Variants in IGSF3 observed in about 807,000 individuals in gnomAD.
The protein encoded by IGSF3 is glu-Trp-Ile EWI motif-containing protein 3.
In IGSF3, 23 loss-of-function variants were observed where a neutral mutation model predicts 114.4. The ratio of observed to expected loss-of-function variants is 0.20; its 90% CI spans 0.14 to 0.28. The LOEUF is 0.28. Among genes scored for constraint, IGSF3 ranks in the 10% least tolerant of loss-of-function variants. The probability of loss-of-function intolerance (pLI) is 1.00; values close to 1 mark genes in which losing one functional copy is unlikely to be tolerated. For synonymous variants in IGSF3, 571 were observed against 645.2 expected (o/e 0.88, Z 1.74); for missense variants, 1,172 against 1,591.5 (o/e 0.74, Z 4.48).
intron 7 of IGSF3, among the ~76,000 whole-genome samples, chr1:116,591,663 C>G (rs1456635057): frequency 6.6e-6 from 1 of 152,178 alleles, no homozygotes; most frequent in Non-Finnish European, 1.5e-5. Flanking sequence ...AGCTCCTATT[C>G]TATGCTCTGG....
chr1:116,605,906 G>A lies in IGSF3; in HGVS notation c.1223-1881C>T, dbSNP rs1374122900. ...TTATCCAAGTCCTGGCTCATTTATT[G>A]AAAGGGCTACTGTTTGGTGGTGTCT... is the stretch of plus-strand genomic sequence containing the variant. On this transcript the variant is annotated intron_variant, in intron 5 of 10. Transcript: ENST00000369486. This position sits in a 1 kb window ranked among gnomAD's most constrained non-coding sequence, Gnocchi z 5.1. 6.6e-6 allele frequency among the ~76,000 whole-genome samples: 1 copy of A among 152,170 alleles called. No individual in the cohort carries two copies. Among genetic ancestry groups the A allele is most frequent in the Non-Finnish European group, 1.5e-5 (1 of 68,028 alleles).
At position 116,610,090 on chromosome 1, in the gene IGSF3, T is replaced by C. The variant is rs1660957282; in HGVS notation, c.833-1759A>G. 6.6e-6 allele frequency among the ~76,000 whole-genome samples: 1 copy of C among 152,208 alleles called. No homozygotes were observed. Among genetic ancestry groups the C allele is most frequent in the African/African-American group, 2.4e-5 (1 of 41,444 alleles). On this transcript the variant is annotated intron_variant, in intron 4 of 10. Coordinates refer to ENST00000369486, the MANE Select transcript of IGSF3 (RefSeq NM_001007237.3). This position sits in a 1 kb window ranked among gnomAD's most constrained non-coding sequence, Gnocchi z 4.3. ...AGAGACCAGTCTTAAGAGGCATGGATTGAAGGAAGCACATTTCACTCTGCC... is the reference window on the plus strand; with the variant it reads ...AGAGACCAGTCTTAAGAGGCATGGACTGAAGGAAGCACATTTCACTCTGCC...
chr1:116,652,495 A>G (rs1254915223), intron 2 of IGSF3, among the ~76,000 whole-genome samples: 1 of 151,860 alleles, frequency 6.6e-6, no homozygotes, highest in Non-Finnish European at 1.5e-5. Flanking sequence ...TATTAAGAGA[A>G]AGTATCAAAA....
chr1:116,654,136 C>T lies in IGSF3; in HGVS notation c.43+12148G>A, dbSNP rs1305385744. Among the ~76,000 whole-genome samples the T allele has an allele frequency of 6.6e-6, 1 of 152,240 alleles. No homozygotes were observed. The highest frequency in any genetic ancestry group is 2.4e-5 in the African/African-American group (1 of 41,468). ...TCTATGTGAAGCAGAATTCCCAACA[C>T]ACCACCATCTCCAAACCAACACCAA... On this transcript the variant is annotated intron_variant, in intron 2 of 10. Transcript: ENST00000369486. The surrounding 1 kb of genome is among the most constrained non-coding windows in gnomAD (Gnocchi z 4.4).
At chr1:116,626,665 A>G (rs1647300966) in intron 2 of IGSF3, among the ~76,000 whole-genome samples, 1 of 152,030 alleles carries the variant, frequency 6.6e-6, no homozygotes. Context: ...CATGCTTGGA[A>G]CCAGGAAAGC....
At position 116,608,051 on chromosome 1, in the gene IGSF3, G is replaced by A. The variant is rs370839007; in HGVS notation, c.1113C>T (p.Ser371=). 3.3e-4 allele frequency: 533 copies of A among 1,613,646 alleles called. No individual in the cohort carries two copies. Among genetic ancestry groups the A allele is most frequent in the Non-Finnish European group, 4.1e-4 (485 of 1,179,756 alleles). ...CAGTCACCCGGCAGTTGTATTTCCCGCTATCTTCCTGGCGGAGGTGGTAGA... is the reference window on the plus strand; with the variant it reads ...CAGTCACCCGGCAGTTGTATTTCCCACTATCTTCCTGGCGGAGGTGGTAGA... ...LKIYHLRQED[S]GKYNCRVTER... Residue 371 remains serine, a synonymous_variant, in exon 5 of 11, where the codon AGC becomes AGT. Coordinates refer to ENST00000369486, the MANE Select transcript of IGSF3 (RefSeq NM_001007237.3).
intron 2 of IGSF3, among the ~76,000 whole-genome samples, chr1:116,656,062 T>A (rs375196565): frequency 1.3e-5 from 2 of 152,148 alleles, no homozygotes; most frequent in African/African-American, 4.8e-5. Flanking sequence ...AGTTCTGATA[T>A]AGCCATAAAA....
rs902713176 is a variant in IGSF3, at chr1:116,648,584, T to C, written c.43+17700A>G. Among the ~76,000 whole-genome samples, 9 of 152,218 alleles carry C rather than the reference T, an allele frequency of 5.9e-5. No individual in the cohort carries two copies. Among genetic ancestry groups the C allele is most frequent in the South Asian group, 2.1e-4 (1 of 4,832 alleles). ...AACACCATGATTCAGCCAGGCAAGA[T>C]TGATGCAACACTGTAACAAAGCGTG... is the stretch of plus-strand genomic sequence containing the variant. On this transcript the variant is annotated intron_variant, in intron 2 of 10. Transcript: ENST00000369486. The surrounding 1 kb of genome is among the most constrained non-coding windows in gnomAD (Gnocchi z 4.7).
In IGSF3 at chr1:116,655,044, G is replaced by A. The variant is rs948565399; in HGVS notation, c.43+11240C>T. On this transcript the variant is annotated intron_variant, in intron 2 of 10. Transcript: ENST00000369486. The surrounding 1 kb of genome is among the most constrained non-coding windows in gnomAD (Gnocchi z 4.3). ...ATGGCAAGAAAAAAGATGTACCTTA[G>A]GAATAAAAAAGAGTTCCCCAATGTC... Among the ~76,000 whole-genome samples the A allele has an allele frequency of 6.6e-6, 1 of 151,956 alleles. No individual in the cohort carries two copies. Among genetic ancestry groups the A allele is most frequent in the African/African-American group, 2.4e-5 (1 of 41,360 alleles).
rs971959089 is a variant in IGSF3 at position 116,627,129 on chromosome 1, T to C, written c.44-10672A>G. Among the ~76,000 whole-genome samples, 1 of 151,932 alleles carries C rather than the reference T, an allele frequency of 6.6e-6. No individual in the cohort carries two copies. Among genetic ancestry groups the C allele is most frequent in the Non-Finnish European group, 1.5e-5 (1 of 68,006 alleles). ...TTGGAGATAACAGAAATAGGCTGAG[T>C]GTTGGGCATTTTTTTTTAAAGAGGG... On this transcript the variant is annotated intron_variant, in intron 2 of 10. Transcript: ENST00000369486. This position sits in a 1 kb window ranked among gnomAD's most constrained non-coding sequence, Gnocchi z 4.7.
rs183449860 is a variant in IGSF3, at chr1:116,640,559, T to A, written c.44-24102A>T. On this transcript the variant is annotated intron_variant, in intron 2 of 10. Coordinates refer to ENST00000369486, the MANE Select transcript of IGSF3 (RefSeq NM_001007237.3). ...ATCACACTGTATGCACCCTTTTGCA[T>A]CTTTTTTTATTGACAAAACATTTTT... 1.2e-4 allele frequency among the ~76,000 whole-genome samples: 18 copies of A among 152,370 alleles called. No individual in the cohort carries two copies. In the East Asian group the frequency reaches 3.5e-3, roughly 29 times the overall value.
In IGSF3 at chr1:116,589,645, C is replaced by T. The variant is rs944240478; in HGVS notation, c.2030-541G>A. Among the ~76,000 whole-genome samples, 1 of 152,118 alleles carries T rather than the reference C, an allele frequency of 6.6e-6. No homozygotes were observed. The highest frequency in any genetic ancestry group is 2.1e-4 in the South Asian group (1 of 4,830). On this transcript the variant is annotated intron_variant, in intron 7 of 10. Transcript: ENST00000369486. This position sits in a 1 kb window ranked among gnomAD's most constrained non-coding sequence, Gnocchi z 5.7. ...TCCTTCTGCCACCTCCCACCCTGAC[C>T]CTTCTCTCCACTTATCCCTCATTCC... is the stretch of plus-strand genomic sequence containing the variant.
rs2101379633 is a variant in IGSF3, at chr1:116,592,558, G to T, written c.2030-3454C>A. On this transcript the variant is annotated intron_variant, in intron 7 of 10. Transcript: ENST00000369486. The surrounding 1 kb of genome is among the most constrained non-coding windows in gnomAD (Gnocchi z 4.5). Reference sequence around the variant, plus strand: ...TGTTTGTTACAGGCCAGGATAGGGTGGTTTCAAGGTGAGACATCAGGAAGA... The same window carrying T: ...TGTTTGTTACAGGCCAGGATAGGGTTGTTTCAAGGTGAGACATCAGGAAGA... 6.6e-6 allele frequency among the ~76,000 whole-genome samples: 1 copy of T among 152,260 alleles called. No individual in the cohort carries two copies. The highest frequency in any genetic ancestry group is 1.5e-5 in the Non-Finnish European group (1 of 68,026).
intron 8 of IGSF3, among the ~76,000 whole-genome samples, chr1:116,586,134 G>C (rs1267431485): frequency 6.6e-6 from 1 of 152,164 alleles, no homozygotes; most frequent in East Asian, 1.9e-4. Flanking sequence ...GACATCAGAG[G>C]AGGGGAGGTT....
chr1:116,666,437 A>G lies in IGSF3; in HGVS notation c.-111T>C. Reference sequence around the variant, plus strand: ...TCCAGAGAACAGTTTTGGAAATAGAACTTAACTCGGAAAATGGGAACAGAT... The same window carrying G: ...TCCAGAGAACAGTTTTGGAAATAGAGCTTAACTCGGAAAATGGGAACAGAT... On this transcript the variant is annotated 5_prime_UTR_variant, in exon 2 of 11. Transcript: ENST00000369486. 1 of 984,004 alleles carries G rather than the reference A, an allele frequency of 1.0e-6. No homozygotes were observed. The allele number at this position is 984,004 out of a possible 1,614,324, so 61.0% of individuals were successfully genotyped here.
rs1270332865 is a variant in IGSF3, at chr1:116,583,137, T to C, written c.2848+1508A>G. Among the ~76,000 whole-genome samples, 3 of 152,162 alleles carry C rather than the reference T, an allele frequency of 2.0e-5. No individual in the cohort carries two copies. The highest frequency in any genetic ancestry group is 6.5e-5 in the Admixed American group (1 of 15,278). On this transcript the variant is annotated intron_variant, in intron 9 of 10. Transcript: ENST00000369486. The surrounding 1 kb of genome is among the most constrained non-coding windows in gnomAD (Gnocchi z 4.5). The stretch of plus-strand genomic sequence containing the variant: ...GAGTAAAACCTACCACTCAGAGTTA[T>C]TGTGAAGACTGAACATAAGTCTCCT...
Position 116,585,192 on chromosome 1 carries a change from G to A in IGSF3, c.2441-140C>T. The A allele has an allele frequency of 1.6e-6, 1 of 608,982 alleles. No individual in the cohort carries two copies. The highest frequency in any genetic ancestry group is 2.8e-5 in the East Asian group (1 of 35,102). 37.7% of individuals were successfully genotyped at this position (608,982 alleles called of 1,614,324 possible). A position where few individuals can be genotyped will look rare whatever the true frequency, so the allele number is the denominator to read the frequency against. ...ACTCCATTAGGAGAAACGTTTCTCA[G>A]ATGTGGCTCCCTAAACATTCTGAGT... On this transcript the variant is annotated intron_variant, in intron 8 of 10. Coordinates refer to ENST00000369486, the MANE Select transcript of IGSF3 (RefSeq NM_001007237.3). This position sits in a 1 kb window ranked among gnomAD's most constrained non-coding sequence, Gnocchi z 4.9.
In IGSF3 at chr1:116,608,040, T is replaced by A. The variant is rs756702679; in HGVS notation, c.1124A>T (p.Asn375Ile). The change falls in exon 5 of 11, where the codon AAC (asparagine) becomes ATC (isoleucine). Residue 375 changes from asparagine (N) to isoleucine (I), a missense_variant. Physicochemically the swap from Asn to Ile is moderately radical, Grantham distance 149 (BLOSUM62 -3). Transcript: ENST00000369486. ...TTTCTCTCGCTCAGTCACCCGGCAG[T>A]TGTATTTCCCGCTATCTTCCTGGCG... ...HLRQEDSGKY[N>I]CRVTEREKTV... 6.2e-7 allele frequency: 1 copy of A among 1,613,914 alleles called. No homozygotes were observed. The highest frequency in any genetic ancestry group is 1.1e-5 in the South Asian group (1 of 91,072).
At position 116,579,969 on chromosome 1, in the gene IGSF3, A is replaced by ATGGATGTTACTATC; in HGVS notation, c.2849-93_2849-92insGATAGTAACATCCA. 2.7e-6 allele frequency: 3 copies of ATGGATGTTACTATC among 1,115,086 alleles called. No individual in the cohort carries two copies. The highest frequency in any genetic ancestry group is 3.8e-6 in the Non-Finnish European group (3 of 798,062). The allele number at this position is 1,115,086 out of a possible 1,614,324, so 69.1% of individuals were successfully genotyped here. A position where few individuals can be genotyped will look rare whatever the true frequency, so the allele number is the denominator to read the frequency against. On this transcript the variant is annotated intron_variant, in intron 9 of 10. Coordinates refer to ENST00000369486, the MANE Select transcript of IGSF3 (RefSeq NM_001007237.3). This position sits in a 1 kb window ranked among gnomAD's most constrained non-coding sequence, Gnocchi z 6.4. ...TGTCCATCATTAAACACATGATAGTAACATCCATACTATAAGATATTATGC... is the reference window on the plus strand; with the variant it reads ...TGTCCATCATTAAACACATGATAGTATGGATGTTACTATCACATCCATACTATAAGATATTATGC...
Sources: allele counts gnomAD v4.1 joint callset (sites outside exome capture counted in the v4.1 genomes callset), GRCh38; gene constraint gnomAD v4.1.1; non-coding constraint Gnocchi (gnomAD v3.1); transcripts MANE v1.5; gene names NCBI Gene and HGNC (gene_info 2026-07-23, HGNC 2026-07-21).